Variants in PRKCB observed in about 807,000 individuals in gnomAD.
PRKCB encodes the protein protein kinase C beta.
PRKCB carries 13 observed loss-of-function variants against 81.5 expected under a neutral mutation model. The observed-to-expected ratio is 0.16, with a 90% CI of 0.10 to 0.25. PRKCB has a LOEUF of 0.25. Among genes scored for constraint, PRKCB ranks in the 10% least tolerant of loss-of-function variants. PRKCB has a pLI of 1.00. For synonymous variants in PRKCB, 335 were observed against 321.4 expected (o/e 1.04, Z -0.45); for missense variants, 509 against 875.7 (o/e 0.58, Z 5.29).
intron 9 of PRKCB, among the ~76,000 whole-genome samples, chr16:24,124,278 C>T (rs1015687350): frequency 5.3e-5 from 8 of 152,114 alleles, no homozygotes; most frequent in Non-Finnish European, 8.8e-5. Context: ...AGAGCAAGTG[C>T]AAAAGTTCCA....
Position 23,952,072 on chromosome 16 carries a change from G to GT in PRKCB, c.206-36428dup, listed in dbSNP as rs201264903. On this transcript the variant is annotated intron_variant, in intron 2 of 16. Coordinates refer to ENST00000643927, the MANE Select transcript of PRKCB (RefSeq NM_002738.7). ...GGCACAGAGTTTTGTGCCTGAATGA[G>GT]TTTTTTTTGTGTGTAAACGTGGTAT... Among the ~76,000 whole-genome samples the GT allele has an allele frequency of 4.6e-3, 699 of 152,028 alleles. 7 individuals carry two copies. Among genetic ancestry groups the GT allele is most frequent in the African/African-American group, 0.015 (625 of 41,456 alleles).
At chr16:24,180,039 G>A (rs1392192400) in intron 12 of PRKCB, among the ~76,000 whole-genome samples, 1 of 152,138 alleles carries the variant, frequency 6.6e-6, no homozygotes, top group East Asian at 1.9e-4. Context: ...CTGCCTCCCA[G>A]GTTCAAGCTA....
chr16:24,124,576 T>C (rs1216990075), intron 9 of PRKCB, among the ~76,000 whole-genome samples: 1 of 152,204 alleles, frequency 6.6e-6, no homozygotes, highest in East Asian at 1.9e-4. Context: ...AGTGGAAGGA[T>C]GACCCTGGGA....
At chr16:24,178,491 G>C (rs981839989) in intron 12 of PRKCB, among the ~76,000 whole-genome samples, 2 of 152,208 alleles carry the variant, frequency 1.3e-5, no homozygotes, top group East Asian at 3.8e-4. Context: ...AGTCTACCCA[G>C]CTGCCTGCTT....
chr16:24,069,246 G>A lies in PRKCB; in HGVS notation c.530-23545G>A, dbSNP rs116185956. Among the ~76,000 whole-genome samples, 403 of 152,312 alleles carry A rather than the reference G, an allele frequency of 2.6e-3. 1 individual carries two copies. Among genetic ancestry groups the A allele is most frequent in the South Asian group, 7.0e-3 (34 of 4,824 alleles). ...GGGTACATGAAATGCAGGAGGTGCC[G>A]TGTTAGAGGACAGTTTGGTCCAGTC... On this transcript the variant is annotated intron_variant, in intron 5 of 16. Transcript: ENST00000643927.
Position 24,052,353 on chromosome 16 carries a change from C to G in PRKCB, c.529+16806C>G, listed in dbSNP as rs190623093. ...CACTCCGGTTACCAGAAAGGGATCC[C>G]GATCCAGAACCCAAGAGAGGTTCTT... On this transcript the variant is annotated intron_variant, in intron 5 of 16. Transcript: ENST00000643927. 5.9e-5 allele frequency among the ~76,000 whole-genome samples: 9 copies of G among 152,222 alleles called. No homozygotes were observed. In the East Asian group the frequency reaches 1.4e-3, roughly 23 times the overall value.
chr16:23,948,535 C>T (rs1188748984), intron 2 of PRKCB, among the ~76,000 whole-genome samples: 1 of 152,020 alleles, frequency 6.6e-6, no homozygotes, highest in Admixed American at 6.5e-5. Context: ...TCCCAGGTAG[C>T]TGGGATTACA....
At chr16:23,922,064 T>C (rs1266250082) in intron 2 of PRKCB, among the ~76,000 whole-genome samples, 2 of 152,182 alleles carry the variant, frequency 1.3e-5, no homozygotes, top group African/African-American at 4.8e-5. Flanking sequence ...TTATGGTGCA[T>C]AGAACACTAT....
chr16:24,091,860 G>T (rs555700200), intron 5 of PRKCB, among the ~76,000 whole-genome samples: 1 of 152,222 alleles, frequency 6.6e-6, no homozygotes, highest in African/African-American at 2.4e-5. Flanking sequence ...AGTCAGGGTG[G>T]AGCTGAGCTC....
chr16:24,122,468 T>TTTTTTTTTTTTTTC (rs1555498212), intron 8 of PRKCB, among the ~76,000 whole-genome samples: 1 of 138,930 alleles, frequency 7.2e-6, no homozygotes, highest in African/African-American at 3.3e-5. Flanking sequence ...TTTTTTTTTT[T>TTTTTTTTTTTTTTC]AGTGAGAGAG....
intron 10 of PRKCB, among the ~76,000 whole-genome samples, chr16:24,164,175 T>C (rs967074058): frequency 3.3e-5 from 5 of 152,166 alleles, no homozygotes; most frequent in African/African-American, 7.2e-5. Flanking sequence ...ACAGGCATCA[T>C]GTTACACTCC....
chr16:23,927,719 G>A lies in PRKCB; in HGVS notation c.206-60789G>A, dbSNP rs1188025741. 2.0e-5 allele frequency among the ~76,000 whole-genome samples: 3 copies of A among 152,054 alleles called. 1 individual carries two copies. The highest frequency in any genetic ancestry group is 4.4e-5 in the Non-Finnish European group (3 of 67,962). ...GAGAGAACTTAGTGATTGATTTGGC[G>A]TGGGAGGAATGAGAAAGTCAGGGAT... On this transcript the variant is annotated intron_variant, in intron 2 of 16. Coordinates refer to ENST00000643927, the MANE Select transcript of PRKCB (RefSeq NM_002738.7).
At chr16:24,160,101 C>T (rs926998786) in intron 10 of PRKCB, among the ~76,000 whole-genome samples, 1 of 151,954 alleles carries the variant, frequency 6.6e-6, no homozygotes, top group Non-Finnish European at 1.5e-5. Context: ...TGGAAACTGA[C>T]CCCCAGAAAG....
intron 13 of PRKCB, among the ~76,000 whole-genome samples, chr16:24,183,976 GA>G (rs1212443788): frequency 6.6e-6 from 1 of 152,126 alleles, no homozygotes; most frequent in African/African-American, 2.4e-5. Context: ...CTACATCTAG[GA>G]GTTTATCTTA....
chr16:24,147,176 C>T (rs609247), intron 9 of PRKCB, among the ~76,000 whole-genome samples: 54,881 of 151,428 alleles, frequency 0.36, 10,306 homozygotes, highest in South Asian at 0.47. Context: ...GGCATCGTGG[C>T]GGGCGCCTGT....
intron 7 of PRKCB, among the ~76,000 whole-genome samples, chr16:24,107,309 A>G (rs970928763): frequency 6.6e-6 from 1 of 152,122 alleles, no homozygotes; most frequent in Admixed American, 6.5e-5. Flanking sequence ...GTTTCTTTCT[A>G]TTTAAATGAC....
intron 15 of PRKCB, among the ~76,000 whole-genome samples, chr16:24,186,521 T>A (rs1167492403): frequency 1.3e-5 from 2 of 152,228 alleles, no homozygotes; most frequent in Non-Finnish European, 2.9e-5. Context: ...CTCCACCCAG[T>A]GGTACAGGTT....
intron 9 of PRKCB, among the ~76,000 whole-genome samples, chr16:24,151,247 C>T (rs960084135): frequency 6.6e-6 from 1 of 152,154 alleles, no homozygotes; most frequent in Non-Finnish European, 1.5e-5. Context: ...AGATGCAGAG[C>T]CTGACTCAGA....
At chr16:24,024,363 T>C (rs568431388) in intron 3 of PRKCB, among the ~76,000 whole-genome samples, 230 of 152,102 alleles carry the variant, frequency 1.5e-3, no homozygotes, top group Non-Finnish European at 2.9e-3. Context: ...GAGCAAAGAG[T>C]ACAATGTTTC....
Sources: gnomAD v4.1 joint callset for allele counts (sites outside exome capture counted in the v4.1 genomes callset) on GRCh38, gnomAD v4.1.1 for gene constraint, MANE v1.5 for transcripts, NCBI Gene and HGNC (gene_info 2026-07-23, HGNC 2026-07-21) for gene names.